PTPRS: variants seen among roughly 807,000 people sequenced by gnomAD.
The protein encoded by PTPRS is receptor-type tyrosine-protein phosphatase S.
Under a neutral mutation model 215.3 loss-of-function variants are expected in PTPRS, and 63 were observed. The ratio of observed to expected loss-of-function variants is 0.29; its 90% CI spans 0.24 to 0.36. The LOEUF is 0.36. Ranked by LOEUF, PTPRS falls within the 10% of genes least tolerant of loss-of-function variation. The pLI is 1.00. For synonymous variants in PTPRS, 1,404 were observed against 1,191.4 expected (o/e 1.18, Z -3.68); for missense variants, 2,258 against 2,825.8 (o/e 0.80, Z 4.56).
At position 5,222,186 on chromosome 19, in the gene PTPRS, CATG is replaced by C; in HGVS notation, c.3135_3137del (p.Ile1045del). The stretch of plus-strand genomic sequence containing the variant: ...CCCAGCTGAGCAGAACTGATGTCTT[CATG>C]ATCATTTTCACCTTGAAGTTCTTGG... On this transcript the variant is annotated inframe_deletion, in exon 19 of 38. Transcript: ENST00000262963. 1 of 1,614,044 alleles carries C rather than the reference CATG, an allele frequency of 6.2e-7. No homozygotes were observed. The highest frequency in any genetic ancestry group is 8.5e-7 in the Non-Finnish European group (1 of 1,179,994).
intron 11 of PTPRS, among the ~76,000 whole-genome samples, chr19:5,243,263 C>A (rs778156973): frequency 3.3e-5 from 5 of 151,732 alleles, no homozygotes; most frequent in Non-Finnish European, 5.9e-5. Flanking sequence ...TCCAGAGTAG[C>A]TGGGATTACA....
intron 11 of PTPRS, among the ~76,000 whole-genome samples, chr19:5,242,318 C>T (rs1211184661): frequency 6.6e-6 from 1 of 152,186 alleles, no homozygotes; most frequent in Non-Finnish European, 1.5e-5. Context: ...GATCTTAGCC[C>T]TATGGGCTTG....
intron 6 of PTPRS, among the ~76,000 whole-genome samples, 152 bp from the exon 7 acceptor site, chr19:5,260,974 C>T (rs1172105990): frequency 2.0e-5 from 3 of 152,042 alleles, no homozygotes; most frequent in South Asian, 2.1e-4. Flanking sequence ...ACGGACCCTG[C>T]GGGCTTTGCT....
rs774918590 is a variant in PTPRS, at chr19:5,239,076, C to A, written c.1705-13G>T. On this transcript the variant is annotated splice_polypyrimidine_tract_variant and intron_variant, in intron 12 of 37. Coordinates refer to ENST00000262963, the MANE Select transcript of PTPRS (RefSeq NM_002850.4). ...AGGTCCTTCCCACCTGGGGGCAGGG[C>A]AGAGAAGGACAGAGAGGGATGGGGG... 2.5e-6 allele frequency: 4 copies of A among 1,590,908 alleles called. No homozygotes were observed. The East Asian group carries it at 7.0e-5, about 28-fold the overall frequency.
At chr19:5,249,756 GA>G (rs2146076173) in intron 9 of PTPRS, among the ~76,000 whole-genome samples, 1 of 152,326 alleles carries the variant, frequency 6.6e-6, no homozygotes, top group African/African-American at 2.4e-5. Context: ...TAAATGTCCA[GA>G]AGCCATCAGT....
Position 5,223,224 on chromosome 19 carries a change from A to C in PTPRS, c.2568T>G (p.Ala856=). The change falls in exon 18 of 38, where the codon GCT becomes GCG. Residue 856 remains alanine, a synonymous_variant. Coordinates refer to ENST00000262963, the MANE Select transcript of PTPRS (RefSeq NM_002850.4). ...CCAGCACCTGGTCCTCCGCGGTGCC[A>C]GCCGGGGGCTCCCAGCGTGCCAGCA... ...GSLLARWEPP[A]GTAEDQVLGY... 6.7e-7 allele frequency: 1 copy of C among 1,497,586 alleles called. No individual in the cohort carries two copies. 92.8% of individuals were successfully genotyped at this position (1,497,586 alleles called of 1,614,324 possible).
At chr19:5,291,091 G>T (rs1308631752) in intron 1 of PTPRS, among the ~76,000 whole-genome samples, 1 of 151,998 alleles carries the variant, frequency 6.6e-6, no homozygotes, top group South Asian at 2.1e-4. Context: ...ACTGAAGTCC[G>T]GGGACCTGGC....
chr19:5,301,924 G>A lies in PTPRS; in HGVS notation c.-94-15690C>T, dbSNP rs1303772269. 2.0e-5 allele frequency among the ~76,000 whole-genome samples: 3 copies of A among 152,042 alleles called. No homozygotes were observed. The East Asian group carries it at 5.8e-4, about 29-fold the overall frequency. On this transcript the variant is annotated intron_variant, in intron 1 of 37. Coordinates refer to ENST00000262963, the MANE Select transcript of PTPRS (RefSeq NM_002850.4). Reference sequence around the variant, plus strand: ...GCCTCCTGAGTAGCTGGGGTTACAGGTACATGCCACCACACCCAGCTAATT... The same window carrying A: ...GCCTCCTGAGTAGCTGGGGTTACAGATACATGCCACCACACCCAGCTAATT...
intron 13 of PTPRS, among the ~76,000 whole-genome samples, chr19:5,232,948 G>A (rs1208945170): frequency 7.5e-6 from 1 of 132,840 alleles, no homozygotes; most frequent in Admixed American, 7.6e-5. Context: ...TGAACACCTA[G>A]TATGTGCCTG....
In PTPRS at chr19:5,220,374, G is replaced by A. The variant is rs1599439303; in HGVS notation, c.3456-21C>T. On this transcript the variant is annotated intron_variant, in intron 20 of 37. Coordinates refer to ENST00000262963, the MANE Select transcript of PTPRS (RefSeq NM_002850.4). The stretch of plus-strand genomic sequence containing the variant: ...AGCTCCTGTAGGGAGATGGGAAAGA[G>A]TCAGAGGGGCTGTCGATAGGGATGA... The A allele has an allele frequency of 1.9e-6, 3 of 1,598,000 alleles. No individual in the cohort carries two copies. The East Asian group carries it at 6.7e-5, about 36-fold the overall frequency.
intron 17 of PTPRS, 72 bp downstream of exon 17, chr19:5,225,653 ACT>A (rs1194254459): frequency 3.1e-6 from 4 of 1,281,182 alleles, no homozygotes; most frequent in Non-Finnish European, 4.5e-6. Flanking sequence ...GAGCTCAAGG[ACT>A]CTGGAGTCAC....
intron 17 of PTPRS, among the ~76,000 whole-genome samples, chr19:5,224,697 A>G (rs1463934449): frequency 6.6e-6 from 1 of 152,132 alleles, no homozygotes; most frequent in Non-Finnish European, 1.5e-5. Context: ...CTCTAATACA[A>G]TGTCCCTGAG....
intron 18 of PTPRS, 99 bp from the exon 19 acceptor site, chr19:5,222,319 G>A (rs1370056065): frequency 2.0e-6 from 2 of 1,013,730 alleles, no homozygotes; most frequent in Non-Finnish European, 3.0e-6. Context: ...GGCGGCCCAG[G>A]CGCTCCCTGT....
rs1286540179 is a variant in PTPRS at position 5,234,892 on chromosome 19, C to T, written c.1850-3277G>A. On this transcript the variant is annotated intron_variant, in intron 13 of 37. Transcript: ENST00000262963. ...TATGAAGCACCTACTATGTGTCAGG[C>T]AACTCTACTAAGGGCCTTACGGAAT... Among the ~76,000 whole-genome samples the T allele has an allele frequency of 2.0e-5, 3 of 151,770 alleles. No homozygotes were observed. In the South Asian group the frequency reaches 6.2e-4, roughly 32 times the overall value.
chr19:5,318,472 C>A (rs2049938908), intron 1 of PTPRS, among the ~76,000 whole-genome samples: 1 of 152,150 alleles, frequency 6.6e-6, no homozygotes, highest in South Asian at 2.1e-4. Context: ...TGCTGTGTGA[C>A]CCTGGGCAGG....
intron 19 of PTPRS, 123 bp from the exon 20 acceptor site, chr19:5,221,376 A>C (rs1009536148): frequency 7.6e-7 from 1 of 1,309,012 alleles, no homozygotes; most frequent in Non-Finnish European, 1.0e-6. Context: ...CCCTAGGCAG[A>C]AATCTAACAC....
At position 5,270,289 on chromosome 19, in the gene PTPRS, TC is replaced by T. The variant is rs1388055236; in HGVS notation, c.379+3152del. On this transcript the variant is annotated intron_variant, in intron 4 of 37. Transcript: ENST00000262963. ...GCGAGCTTTTATCTTTTCTTCCCCC[TC>T]CCCCCCACCCCCCTTTTAGAGACAG... Among the ~76,000 whole-genome samples the T allele has an allele frequency of 6.0e-5, 3 of 49,828 alleles. No individual in the cohort carries two copies. In the East Asian group the frequency reaches 2.4e-3, roughly 40 times the overall value. The allele number at this position is 49,828 out of a possible 152,430, so 32.7% of individuals were successfully genotyped here.
chr19:5,218,697 G>C (rs998879829), intron 24 of PTPRS, 90 bp downstream of exon 24: 1 of 1,556,090 alleles, frequency 6.4e-7, no homozygotes, highest in African/African-American at 1.4e-5. Flanking sequence ...GGGGCAGCCG[G>C]GCATCCCCTC....
In PTPRS at chr19:5,273,596, G is replaced by A. The variant is rs200070556; in HGVS notation, c.238-13C>T. ...CAAACTCAATCGTCTGCCATGGGCA[G>A]GGGAAAAAAGAACAGAGTGAGGCTG... On this transcript the variant is annotated splice_polypyrimidine_tract_variant and intron_variant, in intron 3 of 37. Transcript: ENST00000262963. 7 of 1,613,764 alleles carry A rather than the reference G, an allele frequency of 4.3e-6. No homozygotes were observed. The Admixed American group carries it at 5.0e-5, about 12-fold the overall frequency.
Sources: allele counts gnomAD v4.1 joint callset (sites outside exome capture counted in the v4.1 genomes callset), GRCh38; gene constraint gnomAD v4.1.1; transcripts MANE v1.5; gene names NCBI Gene and HGNC (gene_info 2026-07-23, HGNC 2026-07-21).